The following PVT1 variants were observed in gnomAD, a reference collection of about 807,000 sequenced individuals.
The protein encoded by PVT1 is CXCR4/PVT1 fusion.
At chr8:127,884,781 C>T (rs1348117891) in intron 2 of PVT1, among the ~76,000 whole-genome samples, 1 of 152,218 alleles carries the variant, frequency 6.6e-6, no homozygotes, top group African/African-American at 2.4e-5. Context: ...GTGTACAATG[C>T]CACACATTGT....
chr8:127,999,148 G>A (rs373613714), intron 4 of PVT1: 2 of 152,224 alleles, frequency 1.3e-5, no homozygotes, highest in East Asian at 3.9e-4. Context: ...CCTGGCAGGG[G>A]AGATACCATG....
At chr8:127,839,243 G>T (rs1253305803) in intron 2 of PVT1, among the ~76,000 whole-genome samples, 2 of 152,088 alleles carry the variant, frequency 1.3e-5, no homozygotes, top group Admixed American at 6.5e-5. Context: ...TTGGCCCAAG[G>T]TCACCCATAT....
At chr8:127,817,489 G>A (rs139150671) in intron 2 of PVT1, among the ~76,000 whole-genome samples, 8,116 of 123,956 alleles carry the variant, frequency 0.065, 583 homozygotes, top group Non-Finnish European at 0.073. Context: ...GTGTGTGTGT[G>A]TGTATATACA....
At position 128,039,731 on chromosome 8, in the gene PVT1, G is replaced by A. The variant is rs145891674; in HGVS notation, n.913-30429G>A. On this transcript the variant is annotated intron_variant and non_coding_transcript_variant, in intron 4 of 10. Coordinates refer to ENST00000651587, the Ensembl canonical transcript of PVT1. ...TTTGCATTTTAATGAGATCCTTCTG[G>A]CTGCTGTGTTGAAAGTGGACTGGAA... is the stretch of plus-strand genomic sequence containing the variant. Among the ~76,000 whole-genome samples, 4 of 152,314 alleles carry A rather than the reference G, an allele frequency of 2.6e-5. No individual in the cohort carries two copies. In the East Asian group the frequency reaches 7.7e-4, roughly 29 times the overall value.
At chr8:127,947,370 C>A in intron 3 of PVT1, 1 of 256,060 alleles carries the variant, frequency 3.9e-6, no homozygotes, top group Non-Finnish European at 7.8e-6. Flanking sequence ...AAAGGTGGAT[C>A]GAGAGAGTTT....
intron 4 of PVT1, among the ~76,000 whole-genome samples, chr8:127,998,903 C>A (rs1305431453): frequency 6.7e-6 from 1 of 148,718 alleles, no homozygotes; most frequent in African/African-American, 2.5e-5. Context: ...TACTTTCTGG[C>A]ACTATAAGAT....
At chr8:127,972,301 A>G (rs1816773371) in intron 3 of PVT1, among the ~76,000 whole-genome samples, 1 of 152,218 alleles carries the variant, frequency 6.6e-6, no homozygotes, top group African/African-American at 2.4e-5. Flanking sequence ...GCAGAAAGTC[A>G]CTGGGCTGAG....
intron 4 of PVT1, among the ~76,000 whole-genome samples, chr8:128,050,770 C>A (rs1425062785): frequency 6.6e-6 from 1 of 152,212 alleles, no homozygotes; most frequent in Non-Finnish European, 1.5e-5. Context: ...CCTACTGGGG[C>A]TTGACTTGTC....
chr8:127,812,332 C>G (rs1236063784), intron 2 of PVT1, among the ~76,000 whole-genome samples: 1 of 149,648 alleles, frequency 6.7e-6, no homozygotes, highest in African/African-American at 2.5e-5. Context: ...CTGTTGTAGT[C>G]CTGGCACTTT....
intron 4 of PVT1, among the ~76,000 whole-genome samples, chr8:128,009,922 C>T (rs1473531989): frequency 6.6e-6 from 1 of 152,194 alleles, no homozygotes; most frequent in Non-Finnish European, 1.5e-5. Flanking sequence ...AGAATCATAG[C>T]TCAATACAGC....
chr8:128,005,618 A>C lies in PVT1; in HGVS notation n.912+16327A>C, dbSNP rs971037881. Among the ~76,000 whole-genome samples the C allele has an allele frequency of 2.6e-5, 4 of 151,254 alleles. No individual in the cohort carries two copies. In the East Asian group the frequency reaches 5.8e-4, roughly 22 times the overall value. ...CCCTCTGCATCCGGATGCATCCAGT[A>C]CTCTCGGTTTGTCTGGCTCCTGCTG... On this transcript the variant is annotated intron_variant and non_coding_transcript_variant, in intron 4 of 10. Transcript: ENST00000651587.
chr8:128,053,069 T>C (rs1455887356), intron 4 of PVT1, among the ~76,000 whole-genome samples: 1 of 152,210 alleles, frequency 6.6e-6, no homozygotes, highest in Non-Finnish European at 1.5e-5. Context: ...TCCTATTTCT[T>C]GGGTAAGTTC....
chr8:128,015,817 T>C (rs1297232997), intron 4 of PVT1, among the ~76,000 whole-genome samples: 3 of 150,656 alleles, frequency 2.0e-5, no homozygotes, highest in Admixed American at 6.6e-5. Context: ...TCCTGGTCAT[T>C]AGGTGGCTTT....
chr8:127,887,737 G>C (rs1309398600), intron 2 of PVT1, among the ~76,000 whole-genome samples: 1 of 151,824 alleles, frequency 6.6e-6, no homozygotes, highest in Non-Finnish European at 1.5e-5. Flanking sequence ...ACGTTGGCCA[G>C]TCTGGTCTCA....
chr8:128,097,925 A>C (rs560932224), intron 6 of PVT1, among the ~76,000 whole-genome samples: 1 of 152,084 alleles, frequency 6.6e-6, no homozygotes, highest in East Asian at 1.9e-4. Flanking sequence ...CTACTCAGAG[A>C]TTTCCTGCAG....
chr8:127,945,574 C>T lies in PVT1; in HGVS notation n.783-43588C>T, dbSNP rs145299490. Among the ~76,000 whole-genome samples the T allele has an allele frequency of 4.3e-3, 649 of 152,330 alleles. 6 individuals carry two copies. The highest frequency in any genetic ancestry group is 0.015 in the African/African-American group (627 of 41,570). ...CATGCTGAAGGCCCTCCAAAGGCAG[C>T]ATGAATCCTCACAGTTCCCAGCCTG... is the stretch of plus-strand genomic sequence containing the variant. On this transcript the variant is annotated intron_variant and non_coding_transcript_variant, in intron 3 of 10. Coordinates refer to ENST00000651587, the Ensembl canonical transcript of PVT1.
rs1401815120 is a variant in PVT1 at position 128,051,010 on chromosome 8, C to G, written n.913-19150C>G. ...CTTCCCAGCACAGTCTCAATTTCTT[C>G]AGGGCATTGACTGTGGTGTAAGATT... On this transcript the variant is annotated intron_variant and non_coding_transcript_variant, in intron 4 of 10. Transcript: ENST00000651587. Among the ~76,000 whole-genome samples, 4 of 152,196 alleles carry G rather than the reference C, an allele frequency of 2.6e-5. No homozygotes were observed. In the East Asian group the frequency reaches 7.7e-4, roughly 29 times the overall value.
chr8:127,855,188 A>G (rs531732663), intron 2 of PVT1: 2 of 398,610 alleles, frequency 5.0e-6, no homozygotes, highest in South Asian at 2.5e-4. Context: ...GAAGCCAACT[A>G]TTAAGGGGAA....
intron 4 of PVT1, among the ~76,000 whole-genome samples, chr8:128,020,548 C>A (rs1297182053): frequency 6.6e-6 from 1 of 152,136 alleles, no homozygotes. Flanking sequence ...TGGGGACCGC[C>A]GGCCTACAGC....
Sources: allele counts gnomAD v4.1 joint callset (sites outside exome capture counted in the v4.1 genomes callset), GRCh38; gene constraint gnomAD v4.1.1; transcripts MANE v1.5; gene names NCBI Gene and HGNC (gene_info 2026-07-23, HGNC 2026-07-21).